MTMR12: variants seen among roughly 807,000 people sequenced by gnomAD.
The protein encoded by MTMR12 is myotubularin related protein 12.
MTMR12 carries 33 observed loss-of-function variants against 96.7 expected under a neutral mutation model. The observed-to-expected ratio is 0.34, with a 90% CI of 0.26 to 0.46. MTMR12 has a LOEUF of 0.46. MTMR12 is among the 20% of genes least tolerant of loss of function. The pLI, the probability that MTMR12 is intolerant of heterozygous loss-of-function variation, is 1.00. For synonymous variants in MTMR12, 298 were observed against 327.2 expected (o/e 0.91, Z 0.96); for missense variants, 721 against 896.1 (o/e 0.80, Z 2.49).
At chr5:32,299,047 A>G (rs1360040733) in intron 1 of MTMR12, among the ~76,000 whole-genome samples, 1 of 151,816 alleles carries the variant, frequency 6.6e-6, no homozygotes, top group Non-Finnish European at 1.5e-5. Context: ...GAACACACAC[A>G]TGAATGCGCA....
chr5:32,267,290 T>C (rs1408201105), intron 6 of MTMR12, among the ~76,000 whole-genome samples: 1 of 149,984 alleles, frequency 6.7e-6, no homozygotes, highest in Non-Finnish European at 1.5e-5. Context: ...GTGGGAGAAT[T>C]GCTTGAACCC....
At chr5:32,311,911 C>A (rs975500263) in intron 1 of MTMR12, among the ~76,000 whole-genome samples, 1 of 152,082 alleles carries the variant, frequency 6.6e-6, no homozygotes, top group African/African-American at 2.4e-5. Flanking sequence ...TTTTCTTTCC[C>A]ATGATATTTA....
intron 15 of MTMR12, among the ~76,000 whole-genome samples, chr5:32,231,424 C>G (rs1315045416): frequency 6.8e-6 from 1 of 147,152 alleles, no homozygotes; most frequent in Non-Finnish European, 1.5e-5. Context: ...TGGATGTGGT[C>G]GGAAGGTCAT....
intron 8 of MTMR12, among the ~76,000 whole-genome samples, chr5:32,250,001 G>A (rs1561756293): frequency 1.3e-5 from 2 of 152,128 alleles, no homozygotes; most frequent in East Asian, 1.9e-4. Flanking sequence ...TTTATAATTC[G>A]GCTTCCCAGA....
chr5:32,296,547 C>A, intron 1 of MTMR12: 1 of 295,600 alleles, frequency 3.4e-6, no homozygotes, highest in South Asian at 2.6e-5. Flanking sequence ...TGCCTGTAAT[C>A]CCAGTACTTT....
intron 1 of MTMR12, among the ~76,000 whole-genome samples, chr5:32,297,101 T>TAA (rs762533446): frequency 5.5e-5 from 7 of 126,732 alleles, no homozygotes; most frequent in East Asian, 2.2e-4. Flanking sequence ...AGACTCCGTC[T>TAA]AAAAAAAAAA....
At chr5:32,278,250 A>C (rs1432431540) in intron 1 of MTMR12, among the ~76,000 whole-genome samples, 1 of 152,238 alleles carries the variant, frequency 6.6e-6, no homozygotes, top group Non-Finnish European at 1.5e-5. Context: ...CTTCCACAGC[A>C]ATCAGCCAAT....
intron 13 of MTMR12, among the ~76,000 whole-genome samples, chr5:32,236,453 A>G (rs1384541207): frequency 6.6e-6 from 1 of 152,172 alleles, no homozygotes; most frequent in African/African-American, 2.4e-5. Context: ...AGGCTGAGGC[A>G]GGAGGATTGC....
At chr5:32,230,994 A>G (rs1441743984) in intron 15 of MTMR12, among the ~76,000 whole-genome samples, 1 of 152,250 alleles carries the variant, frequency 6.6e-6, no homozygotes, top group Non-Finnish European at 1.5e-5. Context: ...GGCAACCTGC[A>G]TGGAGTAGAA....
intron 8 of MTMR12, among the ~76,000 whole-genome samples, chr5:32,252,828 TTCTTATC>T (rs535813381): frequency 3.7e-4 from 57 of 152,370 alleles, no homozygotes; most frequent in African/African-American, 1.3e-3. Flanking sequence ...CAGTTTGATG[TTCTTATC>T]TCTTAACAAC....
intron 1 of MTMR12, among the ~76,000 whole-genome samples, chr5:32,298,709 G>T (rs958006679): frequency 6.6e-6 from 1 of 152,014 alleles, no homozygotes; most frequent in Non-Finnish European, 1.5e-5. Flanking sequence ...AGCACTTTGG[G>T]AGGCAGAGGC....
chr5:32,255,747 G>T lies in MTMR12; in HGVS notation c.735C>A (p.Val245=). Residue 245 remains valine, a synonymous_variant, in exon 8 of 16, where the codon GTC becomes GTA. Coordinates refer to ENST00000382142, the MANE Select transcript of MTMR12 (RefSeq NM_001040446.3). ...VCERLPAYFV[V]PTPLPEENVQ... ...CATTCTCTTCAGGAAGAGGGGTGGG[G>T]ACAACAAAGTATGCTGGCAATCTAG... The T allele has an allele frequency of 6.2e-7, 1 of 1,612,738 alleles. No homozygotes were observed. Among genetic ancestry groups the T allele is most frequent in the Non-Finnish European group, 8.5e-7 (1 of 1,179,480 alleles).
chr5:32,264,873 A>G (rs1414558319), intron 6 of MTMR12, among the ~76,000 whole-genome samples: 1 of 152,178 alleles, frequency 6.6e-6, no homozygotes, highest in Admixed American at 6.5e-5. Context: ...TAACTTGCCT[A>G]CGTCACAAAG....
intron 10 of MTMR12, among the ~76,000 whole-genome samples, chr5:32,244,260 C>T (rs1376143660): frequency 1.4e-5 from 2 of 145,764 alleles, no homozygotes; most frequent in Non-Finnish European, 3.0e-5. Context: ...GCCTTGGCAA[C>T]AGAGTGAGAC....
intron 1 of MTMR12, among the ~76,000 whole-genome samples, chr5:32,298,388 GGAGA>G (rs1222687074): frequency 6.6e-6 from 1 of 152,204 alleles, no homozygotes; most frequent in Admixed American, 6.5e-5. Flanking sequence ...TCACTTGAAA[GGAGA>G]GAGAAGCCAA....
chr5:32,297,350 G>A (rs909240080), intron 1 of MTMR12, among the ~76,000 whole-genome samples: 48 of 151,986 alleles, frequency 3.2e-4, no homozygotes, highest in Admixed American at 2.6e-4. Context: ...CTAACCCTAG[G>A]CAACCACAAA....
chr5:32,239,297 T>G, intron 12 of MTMR12, 124 bp from the exon 13 acceptor site: 1 of 1,017,532 alleles, frequency 9.8e-7, no homozygotes, highest in Admixed American at 3.5e-5. Flanking sequence ...CTATTAACAG[T>G]CATGTTCTTA....
intron 8 of MTMR12, among the ~76,000 whole-genome samples, chr5:32,251,892 T>C (rs934730231): frequency 6.6e-6 from 1 of 152,120 alleles, no homozygotes; most frequent in Non-Finnish European, 1.5e-5. Context: ...TGGATCCCAC[T>C]GGACTAGGGA....
At chr5:32,245,037 G>T (rs985328641) in intron 10 of MTMR12, among the ~76,000 whole-genome samples, 1 of 151,580 alleles carries the variant, frequency 6.6e-6, no homozygotes, top group South Asian at 2.1e-4. Context: ...GGATTTTTGT[G>T]TTTTTTTTGA....
Sources: gnomAD v4.1 joint callset for allele counts (sites outside exome capture counted in the v4.1 genomes callset) on GRCh38, gnomAD v4.1.1 for gene constraint, MANE v1.5 for transcripts, NCBI Gene and HGNC (gene_info 2026-07-23, HGNC 2026-07-21) for gene names.